Variants in ERBB4 observed in about 807,000 individuals in gnomAD.
The protein encoded by ERBB4 is erb-b2 receptor tyrosine kinase 4.
Under a neutral mutation model 158.0 loss-of-function variants are expected in ERBB4, and 42 were observed. The ratio of observed to expected loss-of-function variants is 0.27; its 90% CI spans 0.21 to 0.34. ERBB4 has a LOEUF of 0.34. Ranked by LOEUF, ERBB4 falls within the 10% of genes least tolerant of loss-of-function variation. ERBB4 has a pLI of 1.00. For missense variants in ERBB4, 1,333 were observed against 1,624.1 expected (o/e 0.82, Z 3.08); for synonymous variants, 583 against 558.7 (o/e 1.04, Z -0.61).
chr2:211,473,164 A>G (rs897719694), intron 20 of ERBB4, among the ~76,000 whole-genome samples: 9 of 151,932 alleles, frequency 5.9e-5, no homozygotes, highest in African/African-American at 2.2e-4. Flanking sequence ...GCAAACAGAG[A>G]GTTTACACAC....
chr2:212,323,434 G>A (rs2087663644), intron 1 of ERBB4, among the ~76,000 whole-genome samples: 1 of 150,204 alleles, frequency 6.7e-6, no homozygotes, highest in Non-Finnish European at 1.5e-5. Flanking sequence ...GTGTGGGGAA[G>A]GGTATGAGCT....
chr2:211,854,694 CTA>C (rs750412237), intron 3 of ERBB4, among the ~76,000 whole-genome samples: 1 of 152,094 alleles, frequency 6.6e-6, no homozygotes, highest in African/African-American at 2.4e-5. Context: ...GTATAGTATT[CTA>C]TGTGTGCCTA....
chr2:211,772,401 G>T (rs1490919344), intron 4 of ERBB4, among the ~76,000 whole-genome samples: 1 of 151,994 alleles, frequency 6.6e-6, no homozygotes, highest in Non-Finnish European at 1.5e-5. Flanking sequence ...TTCCTAATAT[G>T]ACAATTGACA....
At chr2:211,955,613 A>G (rs1413867692) in intron 2 of ERBB4, among the ~76,000 whole-genome samples, 3 of 152,160 alleles carry the variant, frequency 2.0e-5, no homozygotes, top group Non-Finnish European at 4.4e-5. Context: ...CTGCAAACTA[A>G]CTTAAGAGTA....
chr2:211,404,261 A>G (rs1403533656), intron 25 of ERBB4, among the ~76,000 whole-genome samples: 2 of 151,954 alleles, frequency 1.3e-5, no homozygotes, highest in African/African-American at 2.4e-5. Flanking sequence ...CATGCATTCA[A>G]GCAGAATGGT....
intron 26 of ERBB4, 143 bp downstream of exon 26, chr2:211,387,802 A>G: frequency 1.4e-6 from 1 of 728,398 alleles, no homozygotes; most frequent in Non-Finnish European, 2.6e-6. Context: ...CACATCTACA[A>G]AGGCAGCTAC....
Position 211,381,989 on chromosome 2 carries a change from T to C in ERBB4, c.*1626A>G, listed in dbSNP as rs1267142021. ...CTCATCAGGTATTCTTTCAAAATGA[T>C]ACATAATAATGATGGTTCTAGTACT... On this transcript the variant is annotated 3_prime_UTR_variant, in exon 28 of 28. Transcript: ENST00000342788. 7 of 229,060 alleles carry C rather than the reference T, an allele frequency of 3.1e-5. No homozygotes were observed. The highest frequency in any genetic ancestry group is 6.1e-5 in the Non-Finnish European group (7 of 115,544). 14.2% of individuals were successfully genotyped at this position (229,060 alleles called of 1,614,324 possible). A position where few individuals can be genotyped will look rare whatever the true frequency, so the allele number is the denominator to read the frequency against.
intron 2 of ERBB4, among the ~76,000 whole-genome samples, chr2:212,113,460 G>A (rs1218417348): frequency 6.6e-6 from 1 of 151,404 alleles, no homozygotes; most frequent in Non-Finnish European, 1.5e-5. Flanking sequence ...TGCAGTCCCA[G>A]CTACTTGGGA....
intron 1 of ERBB4, among the ~76,000 whole-genome samples, chr2:212,526,744 A>C (rs1225744430): frequency 6.6e-6 from 1 of 152,072 alleles, no homozygotes; most frequent in Non-Finnish European, 1.5e-5. Flanking sequence ...AATGGTATCT[A>C]TTCTAGTTAA....
At chr2:211,715,848 AG>A (rs1478529232) in intron 7 of ERBB4, among the ~76,000 whole-genome samples, 2 of 152,174 alleles carry the variant, frequency 1.3e-5, no homozygotes, top group Non-Finnish European at 2.9e-5. Flanking sequence ...ACCCAGTCTC[AG>A]GTATTTCTTT....
At chr2:211,624,937 G>A (rs568527741) in intron 17 of ERBB4, among the ~76,000 whole-genome samples, 3 of 152,006 alleles carry the variant, frequency 2.0e-5, no homozygotes, top group Non-Finnish European at 2.9e-5. Context: ...TAATCACAGG[G>A]GGGGCTGGGT....
Position 212,373,939 on chromosome 2 carries a change from CCATATATATAT to C in ERBB4, c.82+164499_82+164509del, listed in dbSNP as rs1315098395. Among the ~76,000 whole-genome samples, 19 of 64,878 alleles carry C rather than the reference CCATATATATAT, an allele frequency of 2.9e-4. 2 individuals carry two copies. Among genetic ancestry groups the C allele is most frequent in the South Asian group, 9.9e-4 (2 of 2,022 alleles). 42.6% of individuals were successfully genotyped at this position (64,878 alleles called of 152,430 possible). The stretch of plus-strand genomic sequence containing the variant: ...TCCATATATATATATCCATATATAT[CCATATATATAT>C]CATATATATATCCATATATATCCAT... On this transcript the variant is annotated intron_variant, in intron 1 of 27. Coordinates refer to ENST00000342788, the MANE Select transcript of ERBB4 (RefSeq NM_005235.3).
Position 211,686,514 on chromosome 2 carries a change from G to C in ERBB4, c.1490-7330C>G, listed in dbSNP as rs768607926. On this transcript the variant is annotated intron_variant, in intron 12 of 27. Coordinates refer to ENST00000342788, the MANE Select transcript of ERBB4 (RefSeq NM_005235.3). ...TGCTATTTGCTACTACTTTGCTAAGGAGTTTTGCCTCTAGATTCTTTTTTT... is the reference window on the plus strand; with the variant it reads ...TGCTATTTGCTACTACTTTGCTAAGCAGTTTTGCCTCTAGATTCTTTTTTT... Among the ~76,000 whole-genome samples, 3 of 151,744 alleles carry C rather than the reference G, an allele frequency of 2.0e-5. 1 individual carries two copies. Among genetic ancestry groups the C allele is most frequent in the Non-Finnish European group, 2.9e-5 (2 of 67,980 alleles).
At chr2:211,773,501 T>C (rs1205374497) in intron 4 of ERBB4, among the ~76,000 whole-genome samples, 1 of 147,408 alleles carries the variant, frequency 6.8e-6, no homozygotes, top group African/African-American at 2.5e-5. Flanking sequence ...GGGTATGAGA[T>C]AATCTTCTGT....
chr2:211,711,710 T>C (rs891795904), intron 9 of ERBB4, among the ~76,000 whole-genome samples: 7 of 152,154 alleles, frequency 4.6e-5, no homozygotes, highest in African/African-American at 1.7e-4. Context: ...TTGAATGAAT[T>C]TTCCCACCTC....
At chr2:211,953,385 TA>T (rs1187388694) in intron 2 of ERBB4, among the ~76,000 whole-genome samples, 16 of 129,770 alleles carry the variant, frequency 1.2e-4, no homozygotes, top group Non-Finnish European at 2.4e-4. Context: ...AAGTATAATT[TA>T]AAAAAGTAAA....
At chr2:212,296,670 G>C (rs756386417) in intron 1 of ERBB4, among the ~76,000 whole-genome samples, 17 of 151,988 alleles carry the variant, frequency 1.1e-4, no homozygotes, top group South Asian at 2.1e-4. Context: ...CATCTTGTTT[G>C]CCAACTGGCT....
chr2:211,381,874 A>C lies in ERBB4; in HGVS notation c.*1741T>G. The C allele has an allele frequency of 4.4e-6, 1 of 229,024 alleles. No homozygotes were observed. Among genetic ancestry groups the C allele is most frequent in the Non-Finnish European group, 8.7e-6 (1 of 115,430 alleles). 14.2% of individuals were successfully genotyped at this position (229,024 alleles called of 1,614,324 possible). ...ATGACTTGGGGTAGAATTTTCAGAA[A>C]AGGGCGACTTATATCTAAGTTTCCT... On this transcript the variant is annotated 3_prime_UTR_variant, in exon 28 of 28. Transcript: ENST00000342788.
intron 1 of ERBB4, among the ~76,000 whole-genome samples, chr2:212,495,391 T>C (rs10153722): frequency 0.13 from 19,631 of 152,154 alleles, 1,343 homozygotes; most frequent in Non-Finnish European, 0.15. Context: ...TTAGCACCCA[T>C]TCTTCCTCAA....
Sources: gnomAD v4.1 joint callset for allele counts (sites outside exome capture counted in the v4.1 genomes callset) on GRCh38, gnomAD v4.1.1 for gene constraint, MANE v1.5 for transcripts, NCBI Gene and HGNC (gene_info 2026-07-23, HGNC 2026-07-21) for gene names.